The following ARHGEF28 variants were observed in gnomAD, a reference collection of about 807,000 sequenced individuals.
The protein encoded by ARHGEF28 is 190 kDa guanine nucleotide exchange factor.
Under a neutral mutation model 206.6 loss-of-function variants are expected in ARHGEF28, and 152 were observed. The observed-to-expected ratio is 0.74, with a 90% CI of 0.64 to 0.84. ARHGEF28 has a LOEUF of 0.84. Among genes scored for constraint, ARHGEF28 ranks in the 40% least tolerant of loss-of-function variants. The pLI is 0.00. For missense variants in ARHGEF28, 2,028 were observed against 2,073.2 expected, an observed-to-expected ratio of 0.98 and a Z score of 0.42; for synonymous variants, 763 against 776.4, an observed-to-expected ratio of 0.98 and a Z score of 0.29.
chr5:73,726,006 C>T (rs1470983263), intron 2 of ARHGEF28, among the ~76,000 whole-genome samples: 1 of 152,164 alleles, frequency 6.6e-6, no homozygotes, highest in Admixed American at 6.6e-5. Flanking sequence ...GTTAAACTAG[C>T]AGTCAAGGTG....
intron 16 of ARHGEF28, among the ~76,000 whole-genome samples, chr5:73,859,330 G>C (rs943628790): frequency 9.2e-5 from 14 of 152,190 alleles, no homozygotes; most frequent in African/African-American, 3.4e-4. Context: ...GGTATTTGTT[G>C]ATCGCCAGAA....
chr5:73,809,247 C>CAT (rs139637142), intron 9 of ARHGEF28, among the ~76,000 whole-genome samples: 9,142 of 151,756 alleles, frequency 0.06, 394 homozygotes, highest in African/African-American at 0.12. Flanking sequence ...GTGTCTATAA[C>CAT]AGAAGAATAA....
intron 10 of ARHGEF28, among the ~76,000 whole-genome samples, chr5:73,837,726 CCTTT>C (rs995009023): frequency 1.1e-4 from 17 of 149,962 alleles, no homozygotes; most frequent in South Asian, 2.1e-4. Context: ...TTCCTTCCTT[CCTTT>C]CTTTCTTTCG....
intron 9 of ARHGEF28, among the ~76,000 whole-genome samples, chr5:73,813,960 A>G (rs900120117): frequency 2.0e-5 from 3 of 150,364 alleles, no homozygotes; most frequent in Admixed American, 2.0e-4. Flanking sequence ...AATGTTTTGG[A>G]TTCACTTCTT....
At chr5:73,843,702 A>C (rs957283211) in intron 11 of ARHGEF28, among the ~76,000 whole-genome samples, 2 of 152,204 alleles carry the variant, frequency 1.3e-5, no homozygotes, top group Non-Finnish European at 2.9e-5. Context: ...TATGTATACT[A>C]TGTAACCATT....
Position 73,846,292 on chromosome 5 carries a change from C to T in ARHGEF28, c.1452C>T (p.Ala484=), listed in dbSNP as rs370211442. 9.7e-5 allele frequency: 156 copies of T among 1,613,386 alleles called. No homozygotes were observed. The highest frequency in any genetic ancestry group is 6.3e-5 in the Non-Finnish European group (74 of 1,179,694). Reference sequence around the variant, plus strand: ...GTTCTAGCCTTGATGCCTTGGACGCCGACAGTGAAGGGGAAGGGCATTCTG... The same window carrying T: ...GTTCTAGCCTTGATGCCTTGGACGCTGACAGTGAAGGGGAAGGGCATTCTG... ...KRSSSLDALD[A]DSEGEGHSEP... The change falls in exon 12 of 36, where the codon GCC becomes GCT. Residue 484 remains alanine, a synonymous_variant. Transcript: ENST00000513042.
intron 16 of ARHGEF28, among the ~76,000 whole-genome samples, chr5:73,859,162 T>G (rs923496959): frequency 1.3e-5 from 2 of 152,224 alleles, no homozygotes; most frequent in Admixed American, 6.5e-5. Flanking sequence ...AGTTTGCATA[T>G]GGGGGCTAGA....
intron 1 of ARHGEF28, among the ~76,000 whole-genome samples, chr5:73,649,970 A>G (rs1744698853): frequency 6.6e-6 from 1 of 152,152 alleles, no homozygotes; most frequent in Non-Finnish European, 1.5e-5. Flanking sequence ...CCTTTTTCTC[A>G]CCTGATTGGG....
intron 35 of ARHGEF28, among the ~76,000 whole-genome samples, chr5:73,925,813 A>G (rs549149965): frequency 3.3e-4 from 50 of 152,290 alleles, no homozygotes; most frequent in African/African-American, 1.2e-3. Context: ...ATTATGTTTC[A>G]TTGATGAATA....
At chr5:73,733,809 T>G (rs6871419) in intron 2 of ARHGEF28, among the ~76,000 whole-genome samples, 51,964 of 151,812 alleles carry the variant, frequency 0.34, 10,180 homozygotes, top group African/African-American at 0.54. Flanking sequence ...AAAGAAAAGA[T>G]GTGTAACTGG....
intron 33 of ARHGEF28, among the ~76,000 whole-genome samples, chr5:73,908,044 C>T (rs552169422): frequency 6.6e-6 from 1 of 152,178 alleles, no homozygotes; most frequent in East Asian, 1.9e-4. Flanking sequence ...TCCTGAGTGG[C>T]TTATTGTGTG....
At chr5:73,753,299 G>A in intron 4 of ARHGEF28, 97 bp downstream of exon 4, 2 of 1,319,140 alleles carry the variant, frequency 1.5e-6, no homozygotes, top group Non-Finnish European at 2.0e-6. Context: ...AGGTTTTCCT[G>A]CCCACTTTTT....
At chr5:73,735,176 A>C (rs1263033024) in intron 2 of ARHGEF28, among the ~76,000 whole-genome samples, 1 of 151,644 alleles carries the variant, frequency 6.6e-6, no homozygotes, top group South Asian at 2.1e-4. Flanking sequence ...GTAGCTGGCT[A>C]ATTTATTAAT....
chr5:73,810,273 T>C (rs1330481343), intron 9 of ARHGEF28, among the ~76,000 whole-genome samples: 2 of 152,236 alleles, frequency 1.3e-5, no homozygotes, highest in Non-Finnish European at 2.9e-5. Flanking sequence ...ATCTGAGTTA[T>C]TTTCACATAT....
intron 35 of ARHGEF28, among the ~76,000 whole-genome samples, chr5:73,922,175 A>G (rs1763557018): frequency 1.3e-5 from 2 of 152,230 alleles, no homozygotes; most frequent in African/African-American, 4.8e-5. Flanking sequence ...CTGTCATCAT[A>G]GGATTCTATA....
Position 73,840,554 on chromosome 5 carries a change from C to T in ARHGEF28, c.1221C>T (p.Cys407=), listed in dbSNP as rs952889600. The change falls in exon 11 of 36, where the codon TGC becomes TGT. Residue 407 remains cysteine (C), a synonymous_variant. Transcript: ENST00000513042. ...TATTSPESRG[C]TLWPQSSKHT... is the part of the protein sequence containing the mutation. ...CTACCAGCCCTGAATCCAGAGGTTG[C>T]ACTCTGTGGCCTCAGAGCAGCAAAC... 6.2e-7 allele frequency: 1 copy of T among 1,613,788 alleles called. No homozygotes were observed. Among genetic ancestry groups the T allele is most frequent in the African/African-American group, 1.3e-5 (1 of 74,902 alleles).
chr5:73,671,694 T>TTA (rs1182569252), intron 1 of ARHGEF28, among the ~76,000 whole-genome samples: 350 of 75,978 alleles, frequency 4.6e-3, no homozygotes, highest in Non-Finnish European at 6.4e-3. Context: ...TTGAACTTGA[T>TTA]TATATATATA....
chr5:73,777,729 C>T (rs1335176154), intron 6 of ARHGEF28, among the ~76,000 whole-genome samples: 1 of 152,072 alleles, frequency 6.6e-6, no homozygotes, highest in African/African-American at 2.4e-5. Context: ...AGCATCACAT[C>T]CAGTATATAC....
intron 4 of ARHGEF28, among the ~76,000 whole-genome samples, chr5:73,753,959 G>A (rs898920817): frequency 5.3e-5 from 8 of 152,290 alleles, no homozygotes; most frequent in East Asian, 1.9e-4. Flanking sequence ...ATGAGCCCAC[G>A]TGTCCAGCCA....
Sources: allele counts gnomAD v4.1 joint callset (sites outside exome capture counted in the v4.1 genomes callset), GRCh38; gene constraint gnomAD v4.1.1; transcripts MANE v1.5; gene names NCBI Gene and HGNC (gene_info 2026-07-23, HGNC 2026-07-21).